The following SLC4A4 variants were observed in gnomAD, a reference collection of about 807,000 sequenced individuals.
SLC4A4 encodes the protein solute carrier family 4 member 4.
SLC4A4 carries 27 observed loss-of-function variants against 111.5 expected under a neutral mutation model. That is an observed-to-expected ratio of 0.24 (90% CI 0.18 to 0.33). SLC4A4 has a LOEUF of 0.33. SLC4A4 is among the 10% of genes least tolerant of loss of function. The pLI is 1.00. For missense variants in SLC4A4, 909 were observed against 1,315.5 expected (o/e 0.69, Z 4.78); for synonymous variants, 443 against 463.4 (o/e 0.96, Z 0.57).
upstream of SLC4A4, among the ~76,000 whole-genome samples, chr4:71,185,534 G>C (rs535723518): frequency 6.6e-6 from 1 of 152,310 alleles, no homozygotes; most frequent in South Asian, 2.1e-4. Flanking sequence ...ACATATATGT[G>C]AGCCAGATGT....
intron 7 of SLC4A4, among the ~76,000 whole-genome samples, chr4:71,407,804 T>A (rs1177409979): frequency 6.6e-6 from 1 of 151,990 alleles, no homozygotes; most frequent in African/African-American, 2.4e-5. Context: ...GTAGTTAGTG[T>A]GACATGTAGA....
At chr4:71,389,783 G>A (rs1719092560) in intron 6 of SLC4A4, among the ~76,000 whole-genome samples, 1 of 152,150 alleles carries the variant, frequency 6.6e-6, no homozygotes, top group Non-Finnish European at 1.5e-5. Flanking sequence ...AAAGTATTAA[G>A]TGCCACTAAT....
chr4:71,358,325 AAAAAG>A, intron 6 of SLC4A4, among the ~76,000 whole-genome samples: 1 of 152,080 alleles, frequency 6.6e-6, no homozygotes. Context: ...AAAAAAAAAA[AAAAAG>A]AGAGAGAGAG....
At chr4:71,182,302 A>G (rs1322923159), upstream of SLC4A4, among the ~76,000 whole-genome samples, 1 of 152,196 alleles carries the variant, frequency 6.6e-6, no homozygotes, top group Non-Finnish European at 1.5e-5. Context: ...AGCAGAGGGG[A>G]AAAAGGAGCC....
chr4:71,433,692 T>C (rs1172794868), intron 7 of SLC4A4, among the ~76,000 whole-genome samples: 1 of 152,102 alleles, frequency 6.6e-6, no homozygotes, highest in Non-Finnish European at 1.5e-5. Context: ...GGTGTTTTAG[T>C]CATGAAGTCT....
chr4:71,271,262 A>C lies in SLC4A4; in HGVS notation c.253+15863A>C, dbSNP rs1190214980. ...TTAGAGGTTATTATTTCTGCTTTAC[A>C]TGAGAAAATATAGATCTGAAAGGTG... On this transcript the variant is annotated intron_variant, in intron 3 of 25. Transcript: ENST00000264485. Among the ~76,000 whole-genome samples the C allele has an allele frequency of 4.6e-5, 7 of 152,358 alleles. 1 individual carries two copies. Among genetic ancestry groups the C allele is most frequent in the Admixed American group, 3.9e-4 (6 of 15,306 alleles).
At chr4:71,334,481 A>T (rs1425877576) in intron 3 of SLC4A4, among the ~76,000 whole-genome samples, 1 of 151,972 alleles carries the variant, frequency 6.6e-6, no homozygotes, top group African/African-American at 2.4e-5. Flanking sequence ...GTTGGGGGAG[A>T]GGTGGTGCAA....
In SLC4A4 at chr4:71,373,785, C is replaced by A. The variant is rs138747634; in HGVS notation, c.730+16598C>A. ...AAAAGGATTTAAGCTAGGATTGCGA[C>A]TGTGGAAGTGGAAAGGAGGGGATAA... On this transcript the variant is annotated intron_variant, in intron 6 of 25. Coordinates refer to ENST00000264485, the MANE Select transcript of SLC4A4 (RefSeq NM_001098484.3). Among the ~76,000 whole-genome samples, 714 of 152,178 alleles carry A rather than the reference C, an allele frequency of 4.7e-3. 6 individuals carry two copies. The highest frequency in any genetic ancestry group is 0.016 in the African/African-American group (650 of 41,526).
intron 3 of SLC4A4, among the ~76,000 whole-genome samples, chr4:71,266,101 G>A (rs866154712): frequency 2.0e-4 from 31 of 152,258 alleles, no homozygotes; most frequent in African/African-American, 7.2e-4. Context: ...TACCCTGAGC[G>A]TCCACACCAA....
intron 12 of SLC4A4, among the ~76,000 whole-genome samples, chr4:71,456,069 T>C (rs1233396695): frequency 6.6e-6 from 1 of 152,156 alleles, no homozygotes; most frequent in East Asian, 1.9e-4. Context: ...AAAATAACCA[T>C]TTGCTGGATG....
intron 2 of SLC4A4, among the ~76,000 whole-genome samples, chr4:71,238,177 A>C (rs1427401728): frequency 6.6e-6 from 1 of 152,180 alleles, no homozygotes. Context: ...AGTGACATAT[A>C]CTGTGTGCGT....
At chr4:71,200,570 C>T (rs11937524) in intron 1 of SLC4A4, among the ~76,000 whole-genome samples, 92,932 of 152,064 alleles carry the variant, frequency 0.61, 33,890 homozygotes, top group Non-Finnish European at 0.82. Flanking sequence ...ACAGCTATGA[C>T]ACCCTCTTTA....
chr4:71,368,037 T>A (rs1731486805), intron 6 of SLC4A4, among the ~76,000 whole-genome samples: 1 of 152,220 alleles, frequency 6.6e-6, no homozygotes, highest in African/African-American at 2.4e-5. Context: ...TTAATGATGA[T>A]CTTTATTAAG....
chr4:71,086,418 C>G (rs1742173475), intron 1 of SLC4A4, among the ~76,000 whole-genome samples: 1 of 151,962 alleles, frequency 6.6e-6, no homozygotes, highest in African/African-American at 2.4e-5. Context: ...CCTGATTGCC[C>G]TGGCCAGAAC....
At chr4:71,244,773 C>CTTTTTTTT (rs11440449) in intron 2 of SLC4A4, among the ~76,000 whole-genome samples, 1 of 146,016 alleles carries the variant, frequency 6.8e-6, no homozygotes. Context: ...ATGGACCATG[C>CTTTTTTTT]TTTTTTTTTT....
chr4:71,508,874 C>T (rs1389887856), intron 16 of SLC4A4, among the ~76,000 whole-genome samples: 1 of 152,130 alleles, frequency 6.6e-6, no homozygotes, highest in East Asian at 1.9e-4. Flanking sequence ...GCTGGCAAAC[C>T]AAATCCAGCA....
At chr4:71,087,292 C>T (rs1353072534) in intron 1 of SLC4A4, among the ~76,000 whole-genome samples, 3 of 151,818 alleles carry the variant, frequency 2.0e-5, no homozygotes, top group Non-Finnish European at 4.4e-5. Flanking sequence ...TGAGTCTTCT[C>T]TCTTTTTTCT....
At chr4:71,507,302 G>A (rs1260175759) in intron 16 of SLC4A4, among the ~76,000 whole-genome samples, 1 of 152,128 alleles carries the variant, frequency 6.6e-6, no homozygotes, top group African/African-American at 2.4e-5. Flanking sequence ...AGAGTGGAAA[G>A]CTGCATAACA....
intron 14 of SLC4A4, among the ~76,000 whole-genome samples, chr4:71,486,711 T>C (rs1439676710): frequency 6.6e-6 from 1 of 151,362 alleles, no homozygotes; most frequent in Non-Finnish European, 1.5e-5. Context: ...ATACCGTCTC[T>C]TTAAATATTC....
Sources: gnomAD v4.1 joint callset for allele counts (sites outside exome capture counted in the v4.1 genomes callset) on GRCh38, gnomAD v4.1.1 for gene constraint, MANE v1.5 for transcripts, NCBI Gene and HGNC (gene_info 2026-07-23, HGNC 2026-07-21) for gene names.